The following SLC35F1 variants were observed in gnomAD, a reference collection of about 807,000 sequenced individuals.
The protein encoded by SLC35F1 is chromosome 6 open reading frame 169.
SLC35F1 carries 14 observed loss-of-function variants against 48.7 expected under a neutral mutation model. The ratio of observed to expected loss-of-function variants is 0.29; its 90% CI spans 0.19 to 0.45. The LOEUF (loss-of-function observed/expected upper bound fraction) is 0.45, where lower values mean the gene tolerates loss of function less well. Ranked by LOEUF, SLC35F1 falls within the 20% of genes least tolerant of loss-of-function variation. SLC35F1 has a pLI of 1.00. For missense variants in SLC35F1, 404 were observed against 500.0 expected, an observed-to-expected ratio of 0.81 and a Z score of 1.83; for synonymous variants, 190 against 202.2, an observed-to-expected ratio of 0.94 and a Z score of 0.51.
chr6:117,919,986 T>G (rs1343119296), intron 1 of SLC35F1, among the ~76,000 whole-genome samples: 1 of 152,144 alleles, frequency 6.6e-6, no homozygotes, highest in African/African-American at 2.4e-5. Context: ...GCGGGATGGA[T>G]AGAGCGGCTC....
chr6:118,096,496 G>A (rs1245773164), intron 1 of SLC35F1, among the ~76,000 whole-genome samples: 1 of 152,156 alleles, frequency 6.6e-6, no homozygotes. Context: ...TCTAGCGATT[G>A]GGTATTCAGT....
chr6:118,254,338 G>A (rs1054184452), intron 3 of SLC35F1, among the ~76,000 whole-genome samples: 1 of 152,208 alleles, frequency 6.6e-6, no homozygotes, highest in Admixed American at 6.5e-5. Context: ...CTGGAGTGCG[G>A]TGGTATGATC....
At position 118,262,349 on chromosome 6, in the gene SLC35F1, C is replaced by T. The variant is rs1775723466; in HGVS notation, c.478-4646C>T. On this transcript the variant is annotated intron_variant, in intron 3 of 7. Coordinates refer to ENST00000360388, the MANE Select transcript of SLC35F1 (RefSeq NM_001029858.4). ...CATAACCAAATGTGATTAAAGGCCA[C>T]AGAGAAAGGCACAGTGATAAGATGG... Among the ~76,000 whole-genome samples the T allele has an allele frequency of 4.0e-5, 6 of 151,826 alleles. No individual in the cohort carries two copies. The South Asian group carries it at 1.3e-3, about 32-fold the overall frequency.
At chr6:118,304,713 G>A (rs1776291978) in intron 7 of SLC35F1, among the ~76,000 whole-genome samples, 1 of 152,020 alleles carries the variant, frequency 6.6e-6, no homozygotes, top group South Asian at 2.1e-4. Context: ...ACTATACCAA[G>A]AGTTTTATAT....
intron 1 of SLC35F1, among the ~76,000 whole-genome samples, chr6:117,958,692 C>A (rs1776457312): frequency 6.6e-6 from 1 of 152,162 alleles, no homozygotes; most frequent in Non-Finnish European, 1.5e-5. Context: ...GTAAGCTATG[C>A]CATCTCGGTT....
intron 1 of SLC35F1, among the ~76,000 whole-genome samples, chr6:118,098,511 G>A (rs1773210775): frequency 1.3e-5 from 2 of 152,134 alleles, no homozygotes; most frequent in Admixed American, 1.3e-4. Context: ...ACCCCACCAT[G>A]AGGATACCCA....
chr6:117,981,886 C>A (rs1410967411), intron 1 of SLC35F1, among the ~76,000 whole-genome samples: 1 of 151,512 alleles, frequency 6.6e-6, no homozygotes, highest in Non-Finnish European at 1.5e-5. Context: ...TTATTTTTTC[C>A]CAAGAAATCA....
At chr6:118,106,785 T>C (rs1773332842) in intron 1 of SLC35F1, among the ~76,000 whole-genome samples, 1 of 152,204 alleles carries the variant, frequency 6.6e-6, no homozygotes, top group South Asian at 2.1e-4. Flanking sequence ...TTTCTCCCAC[T>C]TCCTCTGGCT....
At chr6:117,980,605 G>C (rs535915163) in intron 1 of SLC35F1, among the ~76,000 whole-genome samples, 1 of 152,304 alleles carries the variant, frequency 6.6e-6, no homozygotes, top group East Asian at 1.9e-4. Flanking sequence ...TGTGTTGGCT[G>C]TTGGGCTTAT....
chr6:118,161,868 A>G (rs1194434579), intron 2 of SLC35F1, among the ~76,000 whole-genome samples: 1 of 152,242 alleles, frequency 6.6e-6, no homozygotes, highest in Non-Finnish European at 1.5e-5. Flanking sequence ...ATCCACTTCT[A>G]GCAAAACTTC....
chr6:117,952,623 T>C (rs1194860204), intron 1 of SLC35F1, among the ~76,000 whole-genome samples: 1 of 152,154 alleles, frequency 6.6e-6, no homozygotes, highest in Non-Finnish European at 1.5e-5. Flanking sequence ...ATATTTCTTT[T>C]CCCCGTGGTG....
At chr6:118,129,225 G>A (rs561098960) in intron 1 of SLC35F1, among the ~76,000 whole-genome samples, 9 of 152,240 alleles carry the variant, frequency 5.9e-5, no homozygotes, top group South Asian at 2.1e-4. Flanking sequence ...AAGCAATAGC[G>A]ATAGTAGAGA....
At chr6:118,109,806 T>C (rs1481829841) in intron 1 of SLC35F1, among the ~76,000 whole-genome samples, 1 of 152,168 alleles carries the variant, frequency 6.6e-6, no homozygotes, top group East Asian at 1.9e-4. Context: ...TTTCATGACC[T>C]GCTTAGTGAC....
chr6:117,907,625 G>C lies in SLC35F1; in HGVS notation c.-102G>C. 1 of 631,454 alleles carries C rather than the reference G, an allele frequency of 1.6e-6. No homozygotes were observed. The highest frequency in any genetic ancestry group is 2.4e-6 in the Non-Finnish European group (1 of 422,192). 39.1% of individuals were successfully genotyped at this position (631,454 alleles called of 1,614,324 possible). On this transcript the variant is annotated 5_prime_UTR_variant, in exon 1 of 8. Coordinates refer to ENST00000360388, the MANE Select transcript of SLC35F1 (RefSeq NM_001029858.4). ...CGCAGGCAGCACCGCCTCCCGGGCC[G>C]CGGCCGCCCGGCCGGGTCCTCTGCG...
chr6:118,108,524 A>G (rs998661072), intron 1 of SLC35F1, among the ~76,000 whole-genome samples: 2 of 152,186 alleles, frequency 1.3e-5, no homozygotes, highest in African/African-American at 2.4e-5. Context: ...AAAAATGTTA[A>G]AAGTACTAGG....
intron 1 of SLC35F1, among the ~76,000 whole-genome samples, chr6:117,963,114 C>T (rs756658972): frequency 7.2e-5 from 11 of 152,068 alleles, no homozygotes; most frequent in Non-Finnish European, 1.3e-4. Flanking sequence ...TCCAATATGG[C>T]AATTTCAAAA....
chr6:117,972,372 T>C (rs1386324965), intron 1 of SLC35F1, among the ~76,000 whole-genome samples: 1 of 152,226 alleles, frequency 6.6e-6, no homozygotes. Flanking sequence ...TCCAAGTGGT[T>C]ACAACCTCTG....
chr6:118,242,621 T>C (rs907717702), intron 3 of SLC35F1, among the ~76,000 whole-genome samples: 3 of 152,214 alleles, frequency 2.0e-5, no homozygotes, highest in Non-Finnish European at 4.4e-5. Context: ...GCAATGACAT[T>C]TGGACACATT....
chr6:117,981,899 T>C (rs761510071), intron 1 of SLC35F1, among the ~76,000 whole-genome samples: 110 of 152,294 alleles, frequency 7.2e-4, no homozygotes, highest in Non-Finnish European at 1.2e-3. Context: ...AGAAATCATT[T>C]TGGGGCAGGG....
Sources: allele counts gnomAD v4.1 joint callset (sites outside exome capture counted in the v4.1 genomes callset), GRCh38; gene constraint gnomAD v4.1.1; transcripts MANE v1.5; gene names NCBI Gene and HGNC (gene_info 2026-07-23, HGNC 2026-07-21).